Variants in RUNX1 observed in about 807,000 individuals in gnomAD.
The protein encoded by RUNX1 is RUNX family transcription factor 1.
A neutral mutation model predicts 42.8 loss-of-function variants in RUNX1; 19 were observed. That is an observed-to-expected ratio of 0.44 (90% CI 0.31 to 0.65). The LOEUF is 0.65. RUNX1 is among the 30% of genes least tolerant of loss of function. The pLI is 0.07. For missense variants in RUNX1, 528 were observed against 672.0 expected (o/e 0.79, Z 2.37); for synonymous variants, 271 against 289.4 (o/e 0.94, Z 0.64).
chr21:34,895,103 C>T (rs891943469), intron 2 of RUNX1, among the ~76,000 whole-genome samples: 2 of 152,152 alleles, frequency 1.3e-5, no homozygotes, highest in Non-Finnish European at 2.9e-5. Context: ...AAATTCTTCA[C>T]CATGCAAACC....
chr21:34,972,206 G>C (rs1382645103), intron 2 of RUNX1, among the ~76,000 whole-genome samples: 1 of 152,076 alleles, frequency 6.6e-6, no homozygotes, highest in African/African-American at 2.4e-5. Context: ...TTGAACTAAG[G>C]AGCCCAACAT....
intron 2 of RUNX1, among the ~76,000 whole-genome samples, chr21:34,917,773 C>G (rs2058322546): frequency 6.6e-6 from 1 of 152,128 alleles, no homozygotes; most frequent in Admixed American, 6.6e-5. Context: ...AAGTCAGAAT[C>G]AATTTGTAAG....
intron 2 of RUNX1, among the ~76,000 whole-genome samples, chr21:34,984,978 GC>G (rs1054494261): frequency 1.3e-5 from 2 of 152,160 alleles, no homozygotes; most frequent in Non-Finnish European, 2.9e-5. Context: ...GTTTGGAATA[GC>G]CCCAAAATAT....
At chr21:34,978,571 G>A (rs2058821116) in intron 2 of RUNX1, among the ~76,000 whole-genome samples, 1 of 151,972 alleles carries the variant, frequency 6.6e-6, no homozygotes. Flanking sequence ...TTACTTTATT[G>A]GAAAGTTTTT....
At chr21:34,935,944 A>T (rs1386896935) in intron 2 of RUNX1, among the ~76,000 whole-genome samples, 1 of 152,210 alleles carries the variant, frequency 6.6e-6, no homozygotes, top group Non-Finnish European at 1.5e-5. Context: ...TGCAGTTGGT[A>T]TACACAACAG....
In RUNX1 at chr21:34,907,582, T is replaced by G. The variant is rs1213935738; in HGVS notation, c.59-14619A>C. The stretch of plus-strand genomic sequence containing the variant: ...ATTTTCTTAGTACTCAATTTGTTAC[T>G]TGACTTGGTGTTTGGCTCCCTGTGA... On this transcript the variant is annotated intron_variant, in intron 2 of 8. Coordinates refer to ENST00000675419, the MANE Select transcript of RUNX1 (RefSeq NM_001754.5). This position sits in a 1 kb window ranked among gnomAD's most constrained non-coding sequence, Gnocchi z 5.3. Among the ~76,000 whole-genome samples, 1 of 152,182 alleles carries G rather than the reference T, an allele frequency of 6.6e-6. No individual in the cohort carries two copies. The highest frequency in any genetic ancestry group is 2.4e-5 in the African/African-American group (1 of 41,448).
intron 2 of RUNX1, among the ~76,000 whole-genome samples, chr21:34,949,522 A>G (rs1183094960): frequency 6.6e-6 from 1 of 152,254 alleles, no homozygotes; most frequent in Non-Finnish European, 1.5e-5. Context: ...AGGAATGGTT[A>G]AAGTGATGTT....
chr21:34,990,335 A>C (rs2058927060), intron 2 of RUNX1, among the ~76,000 whole-genome samples: 2 of 152,222 alleles, frequency 1.3e-5, no homozygotes, highest in Admixed American at 6.5e-5. Flanking sequence ...CTTGCAGACA[A>C]GGCAGTTTCT....
chr21:34,864,065 C>T (rs895875404), intron 5 of RUNX1, among the ~76,000 whole-genome samples: 8 of 152,196 alleles, frequency 5.3e-5, no homozygotes, highest in African/African-American at 1.4e-4. Flanking sequence ...CCCAGCAGAG[C>T]CTTGATACTG....
intron 2 of RUNX1, among the ~76,000 whole-genome samples, chr21:34,989,370 G>C (rs1011447024): frequency 6.6e-6 from 1 of 151,834 alleles, no homozygotes; most frequent in South Asian, 2.1e-4. Flanking sequence ...TTCTTAGTTC[G>C]TACTACAGCT....
At chr21:34,962,701 C>T (rs2058689992) in intron 2 of RUNX1, among the ~76,000 whole-genome samples, 1 of 152,206 alleles carries the variant, frequency 6.6e-6, no homozygotes, top group Non-Finnish European at 1.5e-5. Flanking sequence ...GTTTCCACTC[C>T]CTCGTTCACA....
chr21:34,881,193 T>C (rs1357786073), intron 4 of RUNX1, among the ~76,000 whole-genome samples: 1 of 152,230 alleles, frequency 6.6e-6, no homozygotes, highest in Non-Finnish European at 1.5e-5. Flanking sequence ...TGTTTGTAAG[T>C]TTATAATCCA....
intron 2 of RUNX1, among the ~76,000 whole-genome samples, chr21:34,986,034 G>A (rs2058885009): frequency 6.6e-6 from 1 of 151,732 alleles, no homozygotes; most frequent in South Asian, 2.1e-4. Flanking sequence ...CACTACACTG[G>A]GCTAATTTTT....
chr21:34,897,190 A>G (rs565618522), intron 2 of RUNX1, among the ~76,000 whole-genome samples: 3 of 152,108 alleles, frequency 2.0e-5, no homozygotes, highest in South Asian at 2.1e-4. Flanking sequence ...TGTTGCCAAG[A>G]TCTCTTTTTG....
At chr21:34,904,817 ACTT>A (rs1174752515) in intron 2 of RUNX1, among the ~76,000 whole-genome samples, 1 of 152,310 alleles carries the variant, frequency 6.6e-6, no homozygotes, top group South Asian at 2.1e-4. Context: ...GTAATTGTCA[ACTT>A]CTCGGTTTAG....
At position 34,978,857 on chromosome 21, in the gene RUNX1, C is replaced by T. The variant is rs114705227; in HGVS notation, c.58+69985G>A. ...TACTGAAGCATGTTTTCCTAAGCCACCTGGATGCAAAGAGGAGATTTTCAG... is the reference window on the plus strand; with the variant it reads ...TACTGAAGCATGTTTTCCTAAGCCATCTGGATGCAAAGAGGAGATTTTCAG... On this transcript the variant is annotated intron_variant, in intron 2 of 8. Transcript: ENST00000675419. Among the ~76,000 whole-genome samples the T allele has an allele frequency of 3.2e-3, 491 of 151,840 alleles. 1 individual carries two copies. Among genetic ancestry groups the T allele is most frequent in the African/African-American group, 0.011 (468 of 41,388 alleles).
At chr21:35,003,052 A>G (rs1443555395) in intron 2 of RUNX1, among the ~76,000 whole-genome samples, 1 of 152,230 alleles carries the variant, frequency 6.6e-6, no homozygotes, top group Non-Finnish European at 1.5e-5. Flanking sequence ...CACCCAAAGA[A>G]GTGGTGAGTT....
At chr21:34,975,340 T>G (rs1034004865) in intron 2 of RUNX1, among the ~76,000 whole-genome samples, 63 of 152,384 alleles carry the variant, frequency 4.1e-4, no homozygotes, top group African/African-American at 1.4e-3. Flanking sequence ...TCTGTATATA[T>G]GGATGGTTGT....
At chr21:34,831,015 A>C (rs996100493) in intron 7 of RUNX1, among the ~76,000 whole-genome samples, 10 of 151,994 alleles carry the variant, frequency 6.6e-5, no homozygotes, top group African/African-American at 2.4e-4. Flanking sequence ...TTTTAAAATC[A>C]CTCACTCGGG....
Sources: gnomAD v4.1 joint callset for allele counts (sites outside exome capture counted in the v4.1 genomes callset) on GRCh38, gnomAD v4.1.1 for gene constraint, Gnocchi (gnomAD v3.1) non-coding constraint, MANE v1.5 for transcripts, NCBI Gene and HGNC (gene_info 2026-07-23, HGNC 2026-07-21) for gene names.